Variants in SMAD4 observed in about 807,000 individuals in gnomAD.
SMAD4 encodes the protein SMAD family member 4.
In SMAD4, 7 loss-of-function variants were observed where a neutral mutation model predicts 63.2. That is an observed-to-expected ratio of 0.11 (90% CI 0.06 to 0.21). SMAD4 has a LOEUF of 0.21. Ranked by LOEUF, SMAD4 falls within the 10% of genes least tolerant of loss-of-function variation. The probability of loss-of-function intolerance (pLI) is 1.00; values close to 1 mark genes in which losing one functional copy is unlikely to be tolerated. For synonymous variants in SMAD4, 215 were observed against 235.4 expected, an observed-to-expected ratio of 0.91 and a Z score of 0.79; for missense variants, 312 against 693.8, an observed-to-expected ratio of 0.45 and a Z score of 6.18.
chr18:51,062,253 C>A (rs895209839), intron 8 of SMAD4, among the ~76,000 whole-genome samples: 3 of 152,004 alleles, frequency 2.0e-5, no homozygotes, highest in Non-Finnish European at 2.9e-5. Context: ...CATAAACTTT[C>A]TTTTTTTGAG....
chr18:51,084,012 G>GCGCA lies in SMAD4; in HGVS notation c.*5546_*5547insGCAC, dbSNP rs1555688055. 11,298 of 160,966 alleles carry GCGCA rather than the reference G, an allele frequency of 0.07. 321 individuals are homozygous for GCGCA. Among genetic ancestry groups the GCGCA allele is most frequent in the Non-Finnish European group, 0.1 (7,959 of 79,318 alleles). 10.0% of individuals were successfully genotyped at this position (160,966 alleles called of 1,614,324 possible). Reference sequence around the variant, plus strand: ...TTAACGCGCGTGCGCACGCGCGCGCGCACACACACACACACACACACACAC... The same window carrying GCGCA: ...TTAACGCGCGTGCGCACGCGCGCGCGCGCACACACACACACACACACACACACAC... On this transcript the variant is annotated 3_prime_UTR_variant, in exon 12 of 12. Coordinates refer to ENST00000342988, the MANE Select transcript of SMAD4 (RefSeq NM_005359.6).
intron 5 of SMAD4, among the ~76,000 whole-genome samples, chr18:51,057,916 A>G (rs1909883975): frequency 6.6e-6 from 1 of 152,248 alleles, no homozygotes; most frequent in African/African-American, 2.4e-5. Context: ...GACATTACCT[A>G]AAATGGAATA....
At position 51,079,922 on chromosome 18, in the gene SMAD4, A is replaced by C; in HGVS notation, c.*1455A>C. On this transcript the variant is annotated 3_prime_UTR_variant, in exon 12 of 12. Transcript: ENST00000342988. Reference sequence around the variant, plus strand: ...GCTTTGTTTTTTTCCCTCACACTCTACCGGGACTTCCCCATGGACATTGTG... The same window carrying C: ...GCTTTGTTTTTTTCCCTCACACTCTCCCGGGACTTCCCCATGGACATTGTG... 4.3e-6 allele frequency: 1 copy of C among 230,852 alleles called. No homozygotes were observed. Among genetic ancestry groups the C allele is most frequent in the Non-Finnish European group, 8.5e-6 (1 of 117,428 alleles). 14.3% of individuals were successfully genotyped at this position (230,852 alleles called of 1,614,324 possible).
At chr18:51,040,412 A>T (rs948420239) in intron 1 of SMAD4, among the ~76,000 whole-genome samples, 6 of 142,860 alleles carry the variant, frequency 4.2e-5, no homozygotes, top group Non-Finnish European at 7.7e-5. Context: ...CCACAGTGAA[A>T]CTCTGTCTCA....
rs75609127 is a variant in SMAD4, at chr18:51,057,052, A to G, written c.668-1073A>G. Among the ~76,000 whole-genome samples, 36 of 152,284 alleles carry G rather than the reference A, an allele frequency of 2.4e-4. 1 individual carries two copies. The East Asian group carries it at 6.9e-3, about 29-fold the overall frequency. ...GCTAAAATGTCATTTTTACAGATAA[A>G]TAATTTGGGGAGTATTGAAATATTC... On this transcript the variant is annotated intron_variant, in intron 5 of 11. Transcript: ENST00000342988.
Position 51,083,221 on chromosome 18 carries a change from A to C in SMAD4, c.*4754A>C, listed in dbSNP as rs774615490. On this transcript the variant is annotated 3_prime_UTR_variant, in exon 12 of 12. Transcript: ENST00000342988. ...TCTGGAGGACACCAGCAAACAACAC[A>C]CAACAAAGCAAAACAAACCTTGGGA... The C allele has an allele frequency of 4.4e-6, 1 of 227,350 alleles. No individual in the cohort carries two copies. Among genetic ancestry groups the C allele is most frequent in the Non-Finnish European group, 8.7e-6 (1 of 114,444 alleles). The allele number at this position is 227,350 out of a possible 1,614,324, so 14.1% of individuals were successfully genotyped here.
At chr18:51,033,289 A>C (rs755703944) in intron 1 of SMAD4, among the ~76,000 whole-genome samples, 6 of 149,682 alleles carry the variant, frequency 4.0e-5, no homozygotes, top group Non-Finnish European at 7.4e-5. Flanking sequence ...TTCCGGGTTC[A>C]AGCGATTCTC....
At chr18:51,061,192 C>G (rs938189776) in intron 8 of SMAD4, among the ~76,000 whole-genome samples, 2 of 152,142 alleles carry the variant, frequency 1.3e-5, no homozygotes, top group African/African-American at 4.8e-5. Flanking sequence ...TACATCCCTT[C>G]AAGCATTTAT....
intron 4 of SMAD4, chr18:51,053,642 G>A (rs544952017): frequency 3.9e-4 from 60 of 152,200 alleles, no homozygotes; most frequent in African/African-American, 1.4e-3. Context: ...CACAATGGAT[G>A]ATTATTACTG....
chr18:51,078,188 T>TGG, intron 11 of SMAD4, 68 bp from the exon 12 acceptor site: 1 of 1,296,010 alleles, frequency 7.7e-7, no homozygotes, highest in Non-Finnish European at 1.1e-6. Flanking sequence ...CTTGATTAAT[T>TGG]TAGAATGTAG....
chr18:51,040,421 CA>C (rs11444945), intron 1 of SMAD4, among the ~76,000 whole-genome samples: 219 of 138,398 alleles, frequency 1.6e-3, no homozygotes, highest in East Asian at 2.3e-3. Context: ...AACTCTGTCT[CA>C]AAAAAAAAAA....
chr18:51,040,966 C>T (rs761879861), intron 1 of SMAD4, among the ~76,000 whole-genome samples: 15 of 152,196 alleles, frequency 9.9e-5, no homozygotes, highest in South Asian at 2.1e-4. Context: ...AGAAATGGGT[C>T]GTCTTTTATT....
At chr18:51,060,917 T>TTTA (rs1568206843) in intron 8 of SMAD4, among the ~76,000 whole-genome samples, 20 of 151,580 alleles carry the variant, frequency 1.3e-4, no homozygotes, top group African/African-American at 4.8e-4. Context: ...TTATTTATTT[T>TTTA]TTTCCGAGAT....
chr18:51,039,899 CTT>C (rs1016564783), intron 1 of SMAD4, among the ~76,000 whole-genome samples: 3 of 151,968 alleles, frequency 2.0e-5, no homozygotes, highest in African/African-American at 7.3e-5. Flanking sequence ...TAAAAAAAAA[CTT>C]TTTGTTGCTT....
chr18:51,064,626 G>GT (rs1910101049), intron 8 of SMAD4, among the ~76,000 whole-genome samples: 1 of 152,196 alleles, frequency 6.6e-6, no homozygotes, highest in South Asian at 2.1e-4. Flanking sequence ...TACTTGATCA[G>GT]TTGTCTTTGT....
intron 4 of SMAD4, among the ~76,000 whole-genome samples, chr18:51,052,137 T>C (rs1909729041): frequency 6.6e-6 from 1 of 152,138 alleles, no homozygotes; most frequent in African/African-American, 2.4e-5. Flanking sequence ...ATAATCACTA[T>C]ATATATGTAT....
chr18:51,066,863 A>C (rs1910171952), intron 9 of SMAD4, 156 bp from the exon 10 acceptor site: 2 of 633,288 alleles, frequency 3.2e-6, no homozygotes, highest in South Asian at 1.9e-5. Context: ...ACAGGAAAAG[A>C]AAAAAGGAAA....
intron 3 of SMAD4, 31 bp downstream of exon 3, chr18:51,048,891 CAT>C: frequency 6.3e-7 from 1 of 1,584,450 alleles, no homozygotes; most frequent in Non-Finnish European, 8.7e-7. Flanking sequence ...TCCTAAGAAA[CAT>C]AAAGGGAAAA....
chr18:51,052,975 A>G (rs556067231), intron 4 of SMAD4: 2 of 152,504 alleles, frequency 1.3e-5, no homozygotes, highest in South Asian at 4.1e-4. Flanking sequence ...GTTTTACCTG[A>G]GAAACATTTA....
Sources: gnomAD v4.1 joint callset for allele counts (sites outside exome capture counted in the v4.1 genomes callset) on GRCh38, gnomAD v4.1.1 for gene constraint, MANE v1.5 for transcripts, NCBI Gene and HGNC (gene_info 2026-07-23, HGNC 2026-07-21) for gene names.